The following DLG2 variants were observed in gnomAD, a reference collection of about 807,000 sequenced individuals.
The protein encoded by DLG2 is disks large homolog 2.
A neutral mutation model predicts 132.5 loss-of-function variants in DLG2; 45 were observed. The ratio of observed to expected loss-of-function variants is 0.34; its 90% confidence interval spans 0.27 to 0.44. The LOEUF (loss-of-function observed/expected upper bound fraction) is 0.44, where lower values mean the gene tolerates loss of function less well. DLG2 is among the 20% of genes least tolerant of loss of function. The pLI is 1.00. For synonymous variants in DLG2, 424 were observed against 419.6 expected (o/e 1.01, Z -0.13); for missense variants, 1,045 against 1,196.9 (o/e 0.87, Z 1.87).
At chr11:83,819,395 G>A (rs1257511100) in intron 17 of DLG2, among the ~76,000 whole-genome samples, 2 of 145,568 alleles carry the variant, frequency 1.4e-5, no homozygotes, top group Non-Finnish European at 3.0e-5. Flanking sequence ...GCTTGGACCT[G>A]GGAGGCTGAG....
At chr11:84,699,872 T>C (rs1029005020) in intron 6 of DLG2, among the ~76,000 whole-genome samples, 2 of 151,566 alleles carry the variant, frequency 1.3e-5, no homozygotes, top group African/African-American at 4.8e-5. Flanking sequence ...ACAGGCTATG[T>C]TTGGGAAAGT....
intron 7 of DLG2, among the ~76,000 whole-genome samples, chr11:84,434,438 G>C (rs2098994464): frequency 1.3e-5 from 2 of 152,148 alleles, no homozygotes; most frequent in Non-Finnish European, 2.9e-5. Flanking sequence ...GAGACACAAG[G>C]AGTCAGTTTT....
At chr11:83,792,136 AG>A (rs1343975620) in intron 17 of DLG2, among the ~76,000 whole-genome samples, 1 of 152,166 alleles carries the variant, frequency 6.6e-6, no homozygotes, top group East Asian at 1.9e-4. Flanking sequence ...AGCACTTTTC[AG>A]TGAGATCCCT....
At chr11:84,938,363 A>C (rs6592216) in intron 6 of DLG2, among the ~76,000 whole-genome samples, 108,426 of 152,036 alleles carry the variant, frequency 0.71, 39,703 homozygotes, top group East Asian at 0.95. Context: ...GTGACTAAAG[A>C]AGGAAAAATA....
chr11:84,144,880 T>C (rs139637655), intron 9 of DLG2, among the ~76,000 whole-genome samples: 90 of 152,324 alleles, frequency 5.9e-4, no homozygotes, highest in Non-Finnish European at 1.1e-3. Context: ...GCTGTTATGA[T>C]TTGTTCAGTT....
chr11:84,162,303 T>C (rs1481895550), intron 9 of DLG2, among the ~76,000 whole-genome samples: 3 of 151,990 alleles, frequency 2.0e-5, no homozygotes, highest in Non-Finnish European at 4.4e-5. Context: ...CCAGGCTTTA[T>C]GAGTGTATTT....
chr11:85,513,162 A>C (rs1371780019), intron 3 of DLG2, among the ~76,000 whole-genome samples: 1 of 152,000 alleles, frequency 6.6e-6, no homozygotes, highest in Non-Finnish European at 1.5e-5. Context: ...GGCCAAAAAG[A>C]TGGGAAAAAA....
At chr11:83,843,445 T>C (rs1404153699) in intron 16 of DLG2, among the ~76,000 whole-genome samples, 1 of 152,232 alleles carries the variant, frequency 6.6e-6, no homozygotes, top group Non-Finnish European at 1.5e-5. Flanking sequence ...TATCACTGCC[T>C]TTACTGTTCT....
intron 21 of DLG2, among the ~76,000 whole-genome samples, chr11:83,528,075 C>T (rs1381096094): frequency 6.6e-6 from 1 of 152,140 alleles, no homozygotes; most frequent in African/African-American, 2.4e-5. Flanking sequence ...GCATTGCTAT[C>T]TGGGGCACTG....
chr11:84,090,926 A>G (rs1042256373), intron 10 of DLG2, among the ~76,000 whole-genome samples: 1 of 152,190 alleles, frequency 6.6e-6, no homozygotes, highest in African/African-American at 2.4e-5. Context: ...AGGCTTTTTT[A>G]CTGATACAGG....
intron 12 of DLG2, among the ~76,000 whole-genome samples, chr11:83,966,369 C>T (rs1476047582): frequency 6.6e-6 from 1 of 151,914 alleles, no homozygotes; most frequent in Non-Finnish European, 1.5e-5. Context: ...TTCAGGTGAG[C>T]AAGTTCAAGG....
chr11:85,592,533 C>T (rs1170528847), intron 3 of DLG2, among the ~76,000 whole-genome samples: 2 of 152,114 alleles, frequency 1.3e-5, no homozygotes, highest in African/African-American at 2.4e-5. Flanking sequence ...CATAGAGATA[C>T]TTATTGTAAC....
chr11:84,198,859 G>A (rs1597255939), intron 8 of DLG2, among the ~76,000 whole-genome samples: 1 of 152,192 alleles, frequency 6.6e-6, no homozygotes, highest in African/African-American at 2.4e-5. Flanking sequence ...CATTTTGTAG[G>A]ACTACTGATA....
At chr11:84,832,470 A>C (rs1049869856) in intron 6 of DLG2, among the ~76,000 whole-genome samples, 13 of 151,704 alleles carry the variant, frequency 8.6e-5, no homozygotes, top group African/African-American at 2.9e-4. Context: ...ACTTAACTAC[A>C]ACATAAAACA....
chr11:85,510,256 C>T lies in DLG2; in HGVS notation c.40+88401G>A, dbSNP rs556678381. On this transcript the variant is annotated intron_variant, in intron 3 of 27. Transcript: ENST00000376104. ...GCTAAAGAGGTAGGCAGAAGTCATACCAGGAAGAACTGATAGGCCAGGATA... is the reference window on the plus strand; with the variant it reads ...GCTAAAGAGGTAGGCAGAAGTCATATCAGGAAGAACTGATAGGCCAGGATA... Among the ~76,000 whole-genome samples the T allele has an allele frequency of 7.2e-5, 11 of 152,022 alleles. 1 individual carries two copies. In the South Asian group the frequency reaches 2.3e-3, roughly 32 times the overall value.
intron 6 of DLG2, among the ~76,000 whole-genome samples, chr11:84,918,397 T>A (rs1411057280): frequency 6.6e-6 from 1 of 152,074 alleles, no homozygotes; most frequent in Non-Finnish European, 1.5e-5. Context: ...TGGGTTCCAG[T>A]TCTTCGAAGA....
At chr11:85,468,558 T>C (rs2092880307) in intron 3 of DLG2, among the ~76,000 whole-genome samples, 1 of 152,234 alleles carries the variant, frequency 6.6e-6, no homozygotes, top group Non-Finnish European at 1.5e-5. Flanking sequence ...TCTGCCTTCC[T>C]TTCGTTATGT....
intron 7 of DLG2, among the ~76,000 whole-genome samples, chr11:84,340,300 C>T (rs1203597531): frequency 3.9e-5 from 6 of 152,124 alleles, no homozygotes; most frequent in African/African-American, 7.2e-5. Context: ...AGACACATAA[C>T]GCCTAGGTCT....
chr11:84,429,643 T>A (rs2098977976), intron 7 of DLG2, among the ~76,000 whole-genome samples: 1 of 152,222 alleles, frequency 6.6e-6, no homozygotes. Flanking sequence ...ACGAGGCATT[T>A]TTTAAAGCGG....
Sources: allele counts gnomAD v4.1 joint callset (sites outside exome capture counted in the v4.1 genomes callset), GRCh38; gene constraint gnomAD v4.1.1; transcripts MANE v1.5; gene names NCBI Gene and HGNC (gene_info 2026-07-23, HGNC 2026-07-21).